The following FAT1 variants were observed in gnomAD, a reference collection of about 807,000 sequenced individuals.
FAT1 encodes the protein protocadherin Fat 1.
Under a neutral mutation model 329.8 loss-of-function variants are expected in FAT1, and 171 were observed. The ratio of observed to expected loss-of-function variants is 0.52; its 90% CI spans 0.46 to 0.59. The LOEUF (loss-of-function observed/expected upper bound fraction) is 0.59, where lower values mean the gene tolerates loss of function less well. FAT1 is among the 20% of genes least tolerant of loss of function. FAT1 has a pLI of 0.00. For missense variants in FAT1, 5,672 were observed against 5,774.4 expected, an observed-to-expected ratio of 0.98 and a Z score of 0.57; for synonymous variants, 2,233 against 2,228.6, an observed-to-expected ratio of 1.00 and a Z score of -0.06.
intron 22 of FAT1, among the ~76,000 whole-genome samples, chr4:186,599,027 T>TC (rs1738665006): frequency 6.6e-6 from 1 of 152,170 alleles, no homozygotes; most frequent in African/African-American, 2.4e-5. Context: ...GCTGCCATAC[T>TC]CCTTTACTCC....
At chr4:186,705,583 G>C (rs1744545222) in intron 2 of FAT1, among the ~76,000 whole-genome samples, 2 of 152,168 alleles carry the variant, frequency 1.3e-5, no homozygotes, top group South Asian at 4.1e-4. Context: ...TTTTAACACT[G>C]ATTGACCAGC....
chr4:186,718,518 T>C (rs1006652594), intron 1 of FAT1, among the ~76,000 whole-genome samples: 1 of 151,996 alleles, frequency 6.6e-6, no homozygotes, highest in African/African-American at 2.4e-5. Context: ...AATACAAAAA[T>C]TAGCCGGGCG....
At chr4:186,678,990 T>TA (rs1743072620) in intron 2 of FAT1, among the ~76,000 whole-genome samples, 1 of 152,160 alleles carries the variant, frequency 6.6e-6, no homozygotes, top group Admixed American at 6.5e-5. Context: ...GTGGTACACA[T>TA]ACTCGATGGA....
intron 2 of FAT1, among the ~76,000 whole-genome samples, chr4:186,694,648 C>G (rs1029848725): frequency 2.6e-5 from 4 of 152,142 alleles, no homozygotes; most frequent in African/African-American, 9.7e-5. Context: ...CACCTCTCCA[C>G]AGAAGTAACC....
intron 26 of FAT1, among the ~76,000 whole-genome samples, chr4:186,594,883 T>C (rs1408817985): frequency 6.6e-6 from 1 of 151,602 alleles, no homozygotes; most frequent in Non-Finnish European, 1.5e-5. Context: ...ATGTATAACA[T>C]ATTAATATGT....
chr4:186,708,183 G>A lies in FAT1; in HGVS notation c.1645C>T (p.Arg549Trp), dbSNP rs376582889. 3.0e-5 allele frequency: 48 copies of A among 1,613,864 alleles called. No homozygotes were observed. The highest frequency in any genetic ancestry group is 2.4e-4 in the African/African-American group (18 of 74,904). The stretch of plus-strand genomic sequence containing the variant: ...ATTGTAGCAAGGACTTCGACTTCCC[G>A]GCGGTACGGCAAGCCCCAGTCTGAT... Reference protein sequence around the residue: ...RASDWGLPYRREVEVLATITL... With the variant: ...RASDWGLPYRWEVEVLATITL... The change falls in exon 2 of 27, where the codon CGG becomes TGG. Residue 549 changes from arginine (R) to tryptophan (W), a missense_variant. By Grantham distance (101) the Arg-to-Trp change is moderately radical. Around this residue, in one of 2 missense-constraint regions of FAT1, gnomAD observed 3,966 missense variants for 3,915.2 expected, o/e 1.01. Coordinates refer to ENST00000441802, the MANE Select transcript of FAT1 (RefSeq NM_005245.4).
chr4:186,662,577 T>C (rs1463592170), intron 3 of FAT1, among the ~76,000 whole-genome samples: 13 of 152,140 alleles, frequency 8.5e-5, no homozygotes. Context: ...CACTGCTCTA[T>C]AGGAAACACT....
intron 3 of FAT1, among the ~76,000 whole-genome samples, chr4:186,661,497 C>G (rs558577000): frequency 8.9e-4 from 136 of 152,274 alleles, no homozygotes; most frequent in African/African-American, 2.8e-3. Flanking sequence ...AGTTTCTCAC[C>G]GCTGAACACG....
intron 2 of FAT1, among the ~76,000 whole-genome samples, chr4:186,675,488 A>C (rs568517293): frequency 1.3e-5 from 2 of 152,096 alleles, no homozygotes; most frequent in African/African-American, 4.8e-5. Flanking sequence ...AGCCAGATGT[A>C]GTGGCTCATG....
chr4:186,657,792 T>C (rs1741974269), intron 3 of FAT1, among the ~76,000 whole-genome samples: 1 of 152,228 alleles, frequency 6.6e-6, no homozygotes, highest in Non-Finnish European at 1.5e-5. Context: ...TTCAAAATTA[T>C]TAATAAATGC....
rs776020541 is a variant in FAT1 at position 186,709,045 on chromosome 4, T to C, written c.783A>G (p.Thr261=). 13 of 1,614,008 alleles carry C rather than the reference T, an allele frequency of 8.1e-6. No individual in the cohort carries two copies. The South Asian group carries it at 1.3e-4, about 16-fold the overall frequency. Residue 261 remains threonine (T), a synonymous_variant, in exon 2 of 27, where the codon ACA becomes ACG. Transcript: ENST00000441802. ...CCCTGTCCAGTTCTGATGGTGACAA[T>C]GTCACTGCTGTTATCACCGGAGCAC... The part of the protein sequence containing the change: ...NECAPVITAV[T]LSPSELDRDP...
rs764300308 is a variant in FAT1, at chr4:186,613,289, G to C, written c.9283C>G (p.Leu3095Val). 6 of 1,613,924 alleles carry C rather than the reference G, an allele frequency of 3.7e-6. No individual in the cohort carries two copies. In the African/African-American group the frequency reaches 8.0e-5, roughly 22 times the overall value. The change falls in exon 13 of 27, where the codon CTT becomes GTT. Residue 3095 changes from leucine (L) to valine (V), a missense_variant. Leu to Val is a conservative substitution (Grantham distance 32). Transcript: ENST00000441802. ...LDREEQAVYH[L>V]LVRATDGGGR... ...CCTCCATCTGTGGCCCTGACGAGAA[G>C]ATGATAAACAGCTTGCTCCTCACGA...
At chr4:186,669,303 ACT>A (rs1457219817) in intron 2 of FAT1, among the ~76,000 whole-genome samples, 1 of 151,998 alleles carries the variant, frequency 6.6e-6, no homozygotes, top group Admixed American at 6.6e-5. Context: ...TGACAGGGAA[ACT>A]CTGTCGCCAC....
intron 6 of FAT1, among the ~76,000 whole-genome samples, chr4:186,634,586 G>A (rs1351065218): frequency 6.6e-6 from 1 of 151,870 alleles, no homozygotes; most frequent in Non-Finnish European, 1.5e-5. Flanking sequence ...CTGGCGAGTG[G>A]GATGGGTGAC....
At position 186,596,290 on chromosome 4, in the gene FAT1, TA is replaced by T. The variant is rs1326966407; in HGVS notation, c.13000+249del. Among the ~76,000 whole-genome samples, 1 of 152,208 alleles carries T rather than the reference TA, an allele frequency of 6.6e-6. No individual in the cohort carries two copies. Among genetic ancestry groups the T allele is most frequent in the African/African-American group, 2.4e-5 (1 of 41,452 alleles). ...TATAGATGAGAACCTTTATCAATTA[TA>T]AAATGAAATGATCTCTCCAGAATAT... is the stretch of plus-strand genomic sequence containing the variant. On this transcript the variant is annotated intron_variant, in intron 25 of 26. Coordinates refer to ENST00000441802, the MANE Select transcript of FAT1 (RefSeq NM_005245.4). The surrounding 1 kb of genome is among the most constrained non-coding windows in gnomAD (Gnocchi z 4.7).
intron 26 of FAT1, among the ~76,000 whole-genome samples, chr4:186,593,039 C>T (rs1179695450): frequency 6.6e-6 from 1 of 152,120 alleles, no homozygotes; most frequent in Non-Finnish European, 1.5e-5. Context: ...TTCACAATTA[C>T]AATTATGCAT....
rs1560962529 is a variant in FAT1 at position 186,645,413 on chromosome 4, ATATATATAT to A, written c.3581-5639_3581-5631del. On this transcript the variant is annotated intron_variant, in intron 3 of 26. Transcript: ENST00000441802. ...TATATATATATATATATATATATAT[ATATATATAT>A]GCCTGTAAAAAACTGAGATATATCC... Among the ~76,000 whole-genome samples the A allele has an allele frequency of 1.1e-3, 86 of 74,920 alleles. 2 individuals carry two copies. Among genetic ancestry groups the A allele is most frequent in the African/African-American group, 4.7e-3 (82 of 17,474 alleles). The allele number at this position is 74,920 out of a possible 152,430, so 49.2% of individuals were successfully genotyped here.
At chr4:186,589,914 G>A (rs1293434159) in intron 26 of FAT1, among the ~76,000 whole-genome samples, 1 of 152,074 alleles carries the variant, frequency 6.6e-6, no homozygotes, top group African/African-American at 2.4e-5. Flanking sequence ...AATGTAGCAA[G>A]TTTAATATTA....
At chr4:186,612,107 C>T (rs529420029) in intron 13 of FAT1, among the ~76,000 whole-genome samples, 10 of 147,726 alleles carry the variant, frequency 6.8e-5, no homozygotes, top group Non-Finnish European at 1.1e-4. Context: ...CCGCACCCGG[C>T]CAACGCTTTT....
Sources: allele counts gnomAD v4.1 joint callset (sites outside exome capture counted in the v4.1 genomes callset), GRCh38; gene constraint gnomAD v4.1.1; regional missense constraint gnomAD v4.1.1; non-coding constraint Gnocchi (gnomAD v3.1); transcripts MANE v1.5; gene names NCBI Gene and HGNC (gene_info 2026-07-23, HGNC 2026-07-21).